UMOD: variants seen among roughly 807,000 people sequenced by gnomAD.
The protein encoded by UMOD is Tamm-Horsfall urinary glycoprotein.
A neutral mutation model predicts 66.0 loss-of-function variants in UMOD; 64 were observed. The ratio of observed to expected loss-of-function variants is 0.97; its 90% CI spans 0.79 to 1.19. UMOD has a LOEUF of 1.19. Ranked by LOEUF, UMOD falls within the 50% of genes most tolerant of loss-of-function variation. The pLI is 0.00. For missense variants in UMOD, 764 were observed against 850.9 expected (o/e 0.90, Z 1.27); for synonymous variants, 398 against 352.7 (o/e 1.13, Z -1.44).
intron 7 of UMOD, among the ~76,000 whole-genome samples, chr16:20,338,315 C>A (rs1964991953): frequency 6.6e-6 from 1 of 152,196 alleles, no homozygotes; most frequent in Admixed American, 6.5e-5. Context: ...GTCACTTTCA[C>A]TGTCTCCCCG....
At chr16:20,335,460 T>A (rs1380297206) in intron 10 of UMOD, 22 bp downstream of exon 10, 1 of 1,613,182 alleles carries the variant, frequency 6.2e-7, no homozygotes, top group Admixed American at 1.7e-5. Flanking sequence ...CAGGTCCCAC[T>A]GCAGAAAGGA....
At chr16:20,333,955 A>G (rs1031618671) in intron 10 of UMOD, among the ~76,000 whole-genome samples, 7 of 144,326 alleles carry the variant, frequency 4.9e-5, no homozygotes, top group Admixed American at 3.7e-4. Flanking sequence ...AATCGCTTGA[A>G]CCCAGGAGGC....
upstream of UMOD, among the ~76,000 whole-genome samples, chr16:20,355,823 A>G (rs895032952): frequency 1.3e-5 from 2 of 152,154 alleles, no homozygotes; most frequent in Non-Finnish European, 2.9e-5. Context: ...TTTTGCCTCC[A>G]TTGTCTCAAA....
Position 20,335,588 on chromosome 16 carries a change from A to T in UMOD, c.1823-68T>A. 2.7e-6 allele frequency: 4 copies of T among 1,499,480 alleles called. No homozygotes were observed. In the South Asian group the frequency reaches 4.5e-5, roughly 17 times the overall value. 92.9% of individuals were successfully genotyped at this position (1,499,480 alleles called of 1,614,324 possible). A position where few individuals can be genotyped will look rare whatever the true frequency, so the allele number is the denominator to read the frequency against. On this transcript the variant is annotated intron_variant, in intron 9 of 10. Transcript: ENST00000396138. ...AGATTTGGCAAGCATCCTGACAGAA[A>T]CCCCTTCAATCTACTTTTCACTTCG... is the stretch of plus-strand genomic sequence containing the variant.
chr16:20,337,340 A>T lies in UMOD; in HGVS notation c.1691T>A (p.Leu564Gln), dbSNP rs1245917686. The change falls in exon 8 of 11, where the codon CTG (leucine) becomes CAG (glutamine). Residue 564 changes from leucine to glutamine, a missense_variant. Leu to Gln is a moderately radical substitution (Grantham distance 113, BLOSUM62 -2). Transcript: ENST00000396138. ...RFAGNYDLVY[L>Q]HCEVYLCDTM... Reference sequence around the variant, plus strand: ...GTCACAGAGATAGACTTCACAGTGCAGGTAGACTAGGTCATAGTTTCCAGC... The same window carrying T: ...GTCACAGAGATAGACTTCACAGTGCTGGTAGACTAGGTCATAGTTTCCAGC... The T allele has an allele frequency of 1.2e-6, 2 of 1,614,226 alleles. No homozygotes were observed. The highest frequency in any genetic ancestry group is 1.7e-6 in the Non-Finnish European group (2 of 1,180,040).
chr16:20,339,394 T>C (rs1161120929), intron 7 of UMOD, among the ~76,000 whole-genome samples: 23 of 152,250 alleles, frequency 1.5e-4, no homozygotes, highest in Admixed American at 1.5e-3. Context: ...GAAGAATCTT[T>C]AGGTCATGAA....
chr16:20,341,303 C>T lies in UMOD; in HGVS notation c.1365G>A (p.Met455Ile), dbSNP rs1408378652. The change falls in exon 7 of 11, where the codon ATG (methionine) becomes ATA (isoleucine). Residue 455 changes from methionine (M) to isoleucine (I), a missense_variant. Met to Ile is a conservative substitution (Grantham distance 10). Transcript: ENST00000396138. ...ALNIRVGGTG[M>I]FTVRMALFQT... ...GGAAGAGCGCCATCCGCACGGTGAA[C>T]ATGCCGGTCCCGCCCACTCTGATGT... is the stretch of plus-strand genomic sequence containing the variant. 1 of 1,614,006 alleles carries T rather than the reference C, an allele frequency of 6.2e-7. No individual in the cohort carries two copies. Among genetic ancestry groups the T allele is most frequent in the African/African-American group, 1.3e-5 (1 of 75,020 alleles).
At chr16:20,339,405 T>C (rs903691614) in intron 7 of UMOD, among the ~76,000 whole-genome samples, 6 of 152,240 alleles carry the variant, frequency 3.9e-5, no homozygotes, top group Non-Finnish European at 5.9e-5. Context: ...AGGTCATGAA[T>C]TCAAATGGCA....
chr16:20,350,542 G>T (rs1053822034), intron 2 of UMOD, 108 bp downstream of exon 2: 3 of 1,347,156 alleles, frequency 2.2e-6, no homozygotes, highest in Non-Finnish European at 3.1e-6. Context: ...TCTCAAGTGC[G>T]ATAGGAGGAT....
intron 7 of UMOD, among the ~76,000 whole-genome samples, chr16:20,340,198 A>T (rs2141644084): frequency 6.6e-6 from 1 of 152,326 alleles, no homozygotes; most frequent in South Asian, 2.1e-4. Flanking sequence ...TTGAAGCACC[A>T]TTCTCAAAAT....
At chr16:20,356,147 C>T (rs968064712), upstream of UMOD, 1 of 152,128 alleles carries the variant, frequency 6.6e-6, no homozygotes, top group Non-Finnish European at 1.5e-5. Context: ...AAAAATGAGC[C>T]AAGGGAGAAG....
Position 20,346,225 on chromosome 16 carries a change from C to A in UMOD, c.1083G>T (p.Leu361=). 1 of 1,614,276 alleles carries A rather than the reference C, an allele frequency of 6.2e-7. No individual in the cohort carries two copies. The highest frequency in any genetic ancestry group is 1.1e-5 in the South Asian group (1 of 91,090). ...TGAAGCCCGAGCACCGGCTGTCACT[C>A]AGGTACATGAAGACCTTGTCGAAGC... The part of the protein sequence containing the change: ...SLGFDKVFMY[L]SDSRCSGFND... The change falls in exon 5 of 11, where the codon CTG becomes CTT. Residue 361 remains leucine, a synonymous_variant. Transcript: ENST00000396138.
In UMOD at chr16:20,346,244, T is replaced by TCGAA; in HGVS notation, c.1060_1063dup (p.Asp355ValfsTer10). Reference sequence around the variant, plus strand: ...GTCACTCAGGTACATGAAGACCTTGTCGAAGCCCAGACTCTTCAGCTGGCA... The same window carrying TCGAA: ...GTCACTCAGGTACATGAAGACCTTGTCGAACGAAGCCCAGACTCTTCAGCTGGCA... On this transcript the variant is annotated frameshift_variant, in exon 5 of 11. Coordinates refer to ENST00000396138, the MANE Select transcript of UMOD (RefSeq NM_003361.4). LOFTEE classifies it high-confidence loss of function. The TCGAA allele has an allele frequency of 6.2e-7, 1 of 1,614,264 alleles. No individual in the cohort carries two copies. Among genetic ancestry groups the TCGAA allele is most frequent in the East Asian group, 2.2e-5 (1 of 44,892 alleles).
upstream of UMOD, chr16:20,352,744 A>G (rs1442974343): frequency 8.1e-7 from 1 of 1,231,408 alleles, no homozygotes; most frequent in African/African-American, 1.6e-5. Context: ...ACTTATATAT[A>G]CACATTTGCC....
Position 20,349,157 on chromosome 16 carries a change from C to T in UMOD, c.144G>A (p.Thr48=), listed in dbSNP as rs1965765044. The change falls in exon 3 of 11, where the codon ACG becomes ACA. Residue 48 remains threonine, a synonymous_variant. Transcript: ENST00000396138. The part of the protein sequence containing the change: ...NATCTEDEAV[T]TCTCQEGFTG... ...TGAAGCCCTCCTGACAGGTGCACGT[C>T]GTAACGGCCTCATCCTCCGTGCAGG... The T allele has an allele frequency of 1.2e-6, 2 of 1,614,072 alleles. No individual in the cohort carries two copies. Among genetic ancestry groups the T allele is most frequent in the Non-Finnish European group, 1.7e-6 (2 of 1,180,036 alleles).
At chr16:20,344,266 A>AAAGCTAAATC in intron 5 of UMOD, 94 bp from the exon 6 acceptor site, 1 of 1,296,730 alleles carries the variant, frequency 7.7e-7, no homozygotes, top group Non-Finnish European at 1.1e-6. Context: ...TGCTGGTCTC[A>AAAGCTAAATC]TGTCTGGCTA....
chr16:20,337,281 G>A lies in UMOD; in HGVS notation c.1740+10C>T, dbSNP rs370913046. 25 of 1,614,016 alleles carry A rather than the reference G, an allele frequency of 1.5e-5. No individual in the cohort carries two copies. The highest frequency in any genetic ancestry group is 2.1e-5 in the Non-Finnish European group (25 of 1,180,008). ...ACAAGAGATGGGCTGGGGGAGGGGA[G>A]TCAACTCACAGGCTTGCACTTTTCA... On this transcript the variant is annotated intron_variant, in intron 8 of 10. Transcript: ENST00000396138.
In UMOD at chr16:20,350,605, C is replaced by T. The variant is rs549909947; in HGVS notation, c.88+45G>A. On this transcript the variant is annotated intron_variant, in intron 2 of 10. Coordinates refer to ENST00000396138, the MANE Select transcript of UMOD (RefSeq NM_003361.4). ...TGCTTCCCCCACACATTCACACATACACGTGCATACACACATATACAACGC... is the reference window on the plus strand; with the variant it reads ...TGCTTCCCCCACACATTCACACATATACGTGCATACACACATATACAACGC... 4 of 1,607,524 alleles carry T rather than the reference C, an allele frequency of 2.5e-6. No homozygotes were observed. In the East Asian group the frequency reaches 8.9e-5, roughly 36 times the overall value.
intron 9 of UMOD, among the ~76,000 whole-genome samples, chr16:20,336,428 G>T (rs1964873587): frequency 6.6e-6 from 1 of 152,192 alleles, no homozygotes; most frequent in Non-Finnish European, 1.5e-5. Flanking sequence ...CGTGTCCTGT[G>T]TTACATTCAT....
Sources: allele counts gnomAD v4.1 joint callset (sites outside exome capture counted in the v4.1 genomes callset), GRCh38; gene constraint gnomAD v4.1.1; transcripts MANE v1.5; gene names NCBI Gene and HGNC (gene_info 2026-07-23, HGNC 2026-07-21).